The following PAX5 variants were observed in gnomAD, a reference collection of about 807,000 sequenced individuals.
The protein encoded by PAX5 is paired box 5.
Under a neutral mutation model 43.7 loss-of-function variants are expected in PAX5, and 9 were observed. The observed-to-expected ratio is 0.21, with a 90% CI of 0.12 to 0.36. The LOEUF (loss-of-function observed/expected upper bound fraction) is 0.36. Ranked by LOEUF, PAX5 falls within the 10% of genes least tolerant of loss-of-function variation. The pLI, the probability that PAX5 is intolerant of heterozygous loss-of-function variation, is 1.00. For missense variants in PAX5, 383 were observed against 532.7 expected (o/e 0.72, Z 2.77); for synonymous variants, 228 against 214.3 (o/e 1.06, Z -0.56).
intron 3 of PAX5, among the ~76,000 whole-genome samples, chr9:37,013,506 C>T (rs1056133821): frequency 6.6e-6 from 1 of 152,160 alleles, no homozygotes; most frequent in Non-Finnish European, 1.5e-5. Context: ...AGGCCAGCTG[C>T]CTGTCATGTT....
rs1411743333 is a variant in PAX5, at chr9:36,835,681, T to C, written c.*4879A>G. The C allele has an allele frequency of 2.6e-5, 6 of 233,134 alleles. No individual in the cohort carries two copies. The East Asian group carries it at 3.0e-4, about 12-fold the overall frequency. 14.4% of individuals were successfully genotyped at this position (233,134 alleles called of 1,614,324 possible). On this transcript the variant is annotated 3_prime_UTR_variant, in exon 10 of 10. Coordinates refer to ENST00000358127, the MANE Select transcript of PAX5 (RefSeq NM_016734.3). The stretch of plus-strand genomic sequence containing the variant: ...AAGAAATGTACTTGCCTCGGACCTC[T>C]CCGAGGCCAAAAGAACGAAAGAAAT...
intron 8 of PAX5, among the ~76,000 whole-genome samples, chr9:36,858,047 G>A (rs1823845605): frequency 6.6e-6 from 1 of 152,246 alleles, no homozygotes; most frequent in Admixed American, 6.5e-5. Flanking sequence ...CAGCCACTTA[G>A]CTGGGCAGCC....
rs757513489 is a variant in PAX5, at chr9:36,923,415, G to T, written c.850C>A (p.Pro284Thr). The T allele has an allele frequency of 6.2e-7, 1 of 1,613,222 alleles. No homozygotes were observed. Among genetic ancestry groups the T allele is most frequent in the South Asian group, 1.1e-5 (1 of 91,070 alleles). The change falls in exon 7 of 10, where the codon CCC becomes ACC. Residue 284 changes from proline to threonine, a missense_variant. Physicochemically the swap from Pro to Thr is conservative, Grantham distance 38. Coordinates refer to ENST00000358127, the MANE Select transcript of PAX5 (RefSeq NM_016734.3). ...CTGCTCCCGATGTCAGCAGGGGTGG[G>T]GCTGGCCAGATTGGCCTTCATGTCG... is the stretch of plus-strand genomic sequence containing the variant. Reference protein sequence around the residue: ...LDDMKANLASPTPADIGSSVP... With the variant: ...LDDMKANLASTTPADIGSSVP...
intron 6 of PAX5, among the ~76,000 whole-genome samples, chr9:36,939,796 A>C (rs1451049074): frequency 6.6e-6 from 1 of 151,864 alleles, no homozygotes; most frequent in Admixed American, 6.6e-5. Context: ...AGAGGGAGAG[A>C]GAGAAAAAGC....
At chr9:37,033,497 T>A (rs1841198225) in intron 1 of PAX5, among the ~76,000 whole-genome samples, 1 of 152,030 alleles carries the variant, frequency 6.6e-6, no homozygotes, top group Admixed American at 6.5e-5. Flanking sequence ...ATTTCCGAAT[T>A]ACATAAATAA....
chr9:37,026,840 G>A (rs1840432349), intron 1 of PAX5: 1 of 481,708 alleles, frequency 2.1e-6, no homozygotes, highest in Admixed American at 6.4e-5. Flanking sequence ...GCTGGCTCAA[G>A]CAGCAGCTCC....
Position 36,836,609 on chromosome 9 carries a change from G to C in PAX5, c.*3951C>G, listed in dbSNP as rs1821659490. On this transcript the variant is annotated 3_prime_UTR_variant, in exon 10 of 10. Transcript: ENST00000358127. ...GCTGCACCGTACTGTCTGGTGCGCT[G>C]CCCGAGTGGCAAGGCTACACCACCC... 1 of 232,796 alleles carries C rather than the reference G, an allele frequency of 4.3e-6. No homozygotes were observed. Among genetic ancestry groups the C allele is most frequent in the South Asian group, 1.8e-4 (1 of 5,530 alleles). 14.4% of individuals were successfully genotyped at this position (232,796 alleles called of 1,614,324 possible). A position where few individuals can be genotyped will look rare whatever the true frequency, so the allele number is the denominator to read the frequency against.
At chr9:36,871,599 T>C (rs1825501088) in intron 8 of PAX5, among the ~76,000 whole-genome samples, 1 of 152,236 alleles carries the variant, frequency 6.6e-6, no homozygotes, top group Non-Finnish European at 1.5e-5. Context: ...GTCGTTTTGT[T>C]TGTTGTTTGT....
At chr9:36,912,167 T>C (rs1829351814) in intron 7 of PAX5, among the ~76,000 whole-genome samples, 1 of 152,258 alleles carries the variant, frequency 6.6e-6, no homozygotes, top group Admixed American at 6.5e-5. Context: ...GAGCTGTCGC[T>C]GGGCAAATGT....
In PAX5 at chr9:36,834,448, G is replaced by GTGTGTGTA; in HGVS notation, c.*6111_*6112insTACACACA. 4.3e-6 allele frequency: 1 copy of GTGTGTGTA among 230,070 alleles called. No homozygotes were observed. 14.3% of individuals were successfully genotyped at this position (230,070 alleles called of 1,614,324 possible). On this transcript the variant is annotated 3_prime_UTR_variant, in exon 10 of 10. Coordinates refer to ENST00000358127, the MANE Select transcript of PAX5 (RefSeq NM_016734.3). ...TGTGTGTGTGTGTGTGTGTGTGTGTGTGTGTTTACATGCTCGTGCACCTTA... is the reference window on the plus strand; with the variant it reads ...TGTGTGTGTGTGTGTGTGTGTGTGTGTGTGTGTATGTGTTTACATGCTCGTGCACCTTA...
intron 5 of PAX5, among the ~76,000 whole-genome samples, chr9:36,989,081 G>A (rs937971101): frequency 1.3e-5 from 2 of 152,206 alleles, no homozygotes; most frequent in African/African-American, 4.8e-5. Flanking sequence ...CAACTTGCAG[G>A]TGTGACAGGG....
chr9:36,982,421 T>C (rs948497132), intron 5 of PAX5, among the ~76,000 whole-genome samples: 6 of 152,168 alleles, frequency 3.9e-5, no homozygotes, highest in Non-Finnish European at 8.8e-5. Context: ...GGGAACCCAG[T>C]CTCAGCCCTC....
intron 6 of PAX5, among the ~76,000 whole-genome samples, chr9:36,958,738 CT>C (rs3837217): frequency 0.58 from 88,344 of 151,912 alleles, 28,104 homozygotes; most frequent in East Asian, 0.78. Flanking sequence ...AGAGGCCTCT[CT>C]TTGCTCTCAA....
At chr9:36,912,389 G>C (rs1014632545) in intron 7 of PAX5, among the ~76,000 whole-genome samples, 1 of 152,258 alleles carries the variant, frequency 6.6e-6, no homozygotes, top group Non-Finnish European at 1.5e-5. Context: ...CCAGAAATTA[G>C]TAACTTGCCT....
At chr9:36,842,752 C>T (rs1253104642) in intron 9 of PAX5, among the ~76,000 whole-genome samples, 2 of 152,222 alleles carry the variant, frequency 1.3e-5, no homozygotes, top group African/African-American at 2.4e-5. Context: ...TCCTAATTGA[C>T]CGCAGCCGGC....
chr9:37,020,743 A>G lies in PAX5; in HGVS notation c.105T>C (p.Asp35=), dbSNP rs775396003. 1.2e-6 allele frequency: 2 copies of G among 1,614,128 alleles called. No homozygotes were observed. The highest frequency in any genetic ancestry group is 1.7e-6 in the Non-Finnish European group (2 of 1,180,012). The stretch of plus-strand genomic sequence containing the variant: ...GTTCCACTATCCTCTGGCGGACTAC[A>G]TCCGGGAGTGGCCGTCCATTCACAA... ...GVFVNGRPLP[D]VVRQRIVELA... The change falls in exon 2 of 10, where the codon GAT becomes GAC. Residue 35 remains aspartate (D), a synonymous_variant. Transcript: ENST00000358127.
At chr9:36,893,399 C>G (rs1354358414) in intron 7 of PAX5, 3 of 152,298 alleles carry the variant, frequency 2.0e-5, no homozygotes, top group Admixed American at 6.5e-5. Context: ...CCCTACCGAT[C>G]TGAAATGCAC....
intron 8 of PAX5, among the ~76,000 whole-genome samples, chr9:36,878,304 G>A (rs148591537): frequency 0.012 from 1,815 of 152,360 alleles, 19 homozygotes; most frequent in Non-Finnish European, 0.02. Flanking sequence ...CTTGATACGT[G>A]TTAGGGGCCA....
intron 6 of PAX5, among the ~76,000 whole-genome samples, chr9:36,933,232 G>A (rs772723967): frequency 7.6e-4 from 116 of 151,924 alleles, no homozygotes; most frequent in Middle Eastern, 3.4e-3. Context: ...TCATGGCACC[G>A]CCTGTCACCG....
Sources: allele counts gnomAD v4.1 joint callset (sites outside exome capture counted in the v4.1 genomes callset), GRCh38; gene constraint gnomAD v4.1.1; transcripts MANE v1.5; gene names NCBI Gene and HGNC (gene_info 2026-07-23, HGNC 2026-07-21).